Variants in ST6GAL2 observed in about 807,000 individuals in gnomAD.
ST6GAL2 encodes ST6 beta-galactoside alpha-2,6-sialyltransferase 2.
Under a neutral mutation model 37.5 loss-of-function variants are expected in ST6GAL2, and 24 were observed. The observed-to-expected ratio is 0.64, with a 90% CI of 0.46 to 0.90. ST6GAL2 has a LOEUF of 0.90. Ranked by LOEUF, ST6GAL2 falls within the 40% of genes least tolerant of loss-of-function variation. ST6GAL2 has a pLI of 0.00. For missense variants in ST6GAL2, 715 were observed against 712.7 expected, an observed-to-expected ratio of 1.00 and a Z score of -0.04; for synonymous variants, 306 against 295.1, an observed-to-expected ratio of 1.04 and a Z score of -0.38.
chr2:106,814,640 G>A (rs952218363), intron 5 of ST6GAL2, among the ~76,000 whole-genome samples: 1 of 152,240 alleles, frequency 6.6e-6, no homozygotes, highest in Admixed American at 6.5e-5. Context: ...CACTCAGGCT[G>A]GGAGCCGGGG....
chr2:106,839,076 T>G (rs1676766042), intron 2 of ST6GAL2, among the ~76,000 whole-genome samples: 1 of 152,004 alleles, frequency 6.6e-6, no homozygotes, highest in Non-Finnish European at 1.5e-5. Context: ...AACAAGAGCA[T>G]TTTGAACAGG....
At chr2:106,870,202 T>G (rs1678207394) in intron 1 of ST6GAL2, among the ~76,000 whole-genome samples, 1 of 152,158 alleles carries the variant, frequency 6.6e-6, no homozygotes, top group African/African-American at 2.4e-5. Flanking sequence ...AGTCCTGGAA[T>G]TGTGCAGAGC....
chr2:106,879,847 C>A (rs1678673540), intron 1 of ST6GAL2, among the ~76,000 whole-genome samples: 1 of 146,942 alleles, frequency 6.8e-6, no homozygotes, highest in Admixed American at 6.8e-5. Flanking sequence ...TATATATAAT[C>A]TATAAACTAT....
chr2:106,863,319 A>G (rs1002530946), intron 1 of ST6GAL2, among the ~76,000 whole-genome samples: 8 of 152,218 alleles, frequency 5.3e-5, no homozygotes, highest in Non-Finnish European at 1.0e-4. Flanking sequence ...CTTGTCATCC[A>G]ATGATACAGA....
intron 1 of ST6GAL2, among the ~76,000 whole-genome samples, chr2:106,876,125 C>A (rs1343295350): frequency 7.1e-6 from 1 of 141,510 alleles, no homozygotes; most frequent in Non-Finnish European, 1.5e-5. Context: ...AGTCACCATG[C>A]CTGGACACAA....
At chr2:106,807,340 A>G (rs562999619) in intron 5 of ST6GAL2, among the ~76,000 whole-genome samples, 1 of 152,318 alleles carries the variant, frequency 6.6e-6, no homozygotes, top group South Asian at 2.1e-4. Context: ...ATGATGGGAC[A>G]GTTATGTTCC....
At chr2:106,833,174 T>C (rs1171347306) in intron 3 of ST6GAL2, among the ~76,000 whole-genome samples, 1 of 148,334 alleles carries the variant, frequency 6.7e-6, no homozygotes, top group Non-Finnish European at 1.5e-5. Flanking sequence ...TTATTTTCCC[T>C]CAGTTTTAAG....
At chr2:106,851,670 C>CTTTTTTTTTTTTTTTTTT (rs5833214) in intron 1 of ST6GAL2, among the ~76,000 whole-genome samples, 1 of 135,848 alleles carries the variant, frequency 7.4e-6, no homozygotes, top group Admixed American at 7.3e-5. Flanking sequence ...GTTTTTCTTT[C>CTTTTTTTTTTTTTTTTTT]TTTTTTTTTT....
At chr2:106,850,878 C>T (rs1406522398) in intron 1 of ST6GAL2, among the ~76,000 whole-genome samples, 1 of 152,168 alleles carries the variant, frequency 6.6e-6, no homozygotes, top group East Asian at 1.9e-4. Flanking sequence ...CCATCATTAG[C>T]TGGTGTGATA....
intron 2 of ST6GAL2, among the ~76,000 whole-genome samples, chr2:106,839,881 C>G (rs2104504189): frequency 6.6e-6 from 1 of 152,194 alleles, no homozygotes; most frequent in East Asian, 1.9e-4. Context: ...ATCCAGGTTT[C>G]CAAAACAATT....
At chr2:106,857,745 C>T (rs1349675750) in intron 1 of ST6GAL2, among the ~76,000 whole-genome samples, 2 of 152,090 alleles carry the variant, frequency 1.3e-5, no homozygotes, top group East Asian at 3.9e-4. Context: ...TCAGCTCTGC[C>T]CTCTGATCAT....
chr2:106,867,372 T>C (rs920229867), intron 1 of ST6GAL2, among the ~76,000 whole-genome samples: 2 of 152,200 alleles, frequency 1.3e-5, no homozygotes, highest in African/African-American at 2.4e-5. Flanking sequence ...CATGTGACAA[T>C]TGTTTATCCC....
intron 5 of ST6GAL2, among the ~76,000 whole-genome samples, chr2:106,827,090 G>A (rs1314941069): frequency 6.6e-6 from 1 of 152,136 alleles, no homozygotes; most frequent in Non-Finnish European, 1.5e-5. Context: ...TGACGTTAGA[G>A]GTTAGAGCAC....
In ST6GAL2 at chr2:106,832,586, T is replaced by C. The variant is rs773431158; in HGVS notation, c.1122A>G (p.Pro374=). ...TTACCAGGTTAAGATTTGCGGAATA[T>C]GGGGCAGGGTCCCAGGCCACCAAAA... ...DVILVAWDPA[P]YSANLNLWYK... is the part of the protein sequence containing the mutation. Residue 374 remains proline (P), a synonymous_variant, in exon 4 of 6, where the codon CCA becomes CCG. Coordinates refer to ENST00000409382, the MANE Select transcript of ST6GAL2 (RefSeq NM_001142351.2). The C allele has an allele frequency of 2.5e-5, 39 of 1,590,618 alleles. No homozygotes were observed. The South Asian group carries it at 3.8e-4, about 15-fold the overall frequency.
intron 4 of ST6GAL2, among the ~76,000 whole-genome samples, chr2:106,830,799 T>C (rs964715387): frequency 1.3e-5 from 2 of 152,140 alleles, no homozygotes; most frequent in African/African-American, 2.4e-5. Flanking sequence ...GAGTTGGGGC[T>C]GGGAAGATTA....
chr2:106,829,816 GC>G (rs2104465033), intron 5 of ST6GAL2, among the ~76,000 whole-genome samples: 1 of 151,852 alleles, frequency 6.6e-6, no homozygotes, highest in East Asian at 1.9e-4. Context: ...CTTTTTGTGT[GC>G]CTACATGGCA....
chr2:106,879,015 C>T (rs1052553237), intron 1 of ST6GAL2, among the ~76,000 whole-genome samples: 7 of 152,182 alleles, frequency 4.6e-5, no homozygotes, highest in African/African-American at 1.4e-4. Flanking sequence ...GGGATAGATA[C>T]ACACCATCTA....
At position 106,807,913 on chromosome 2, in the gene ST6GAL2, C is replaced by T. The variant is rs574021184; in HGVS notation, c.1319-964G>A. Among the ~76,000 whole-genome samples, 3 of 152,216 alleles carry T rather than the reference C, an allele frequency of 2.0e-5. No homozygotes were observed. The East Asian group carries it at 5.8e-4, about 29-fold the overall frequency. ...TGCTGGGATTACAGGCATGAGCCACCGCGCCAGGCCTGAGTACATTTTATT... is the reference window on the plus strand; with the variant it reads ...TGCTGGGATTACAGGCATGAGCCACTGCGCCAGGCCTGAGTACATTTTATT... On this transcript the variant is annotated intron_variant, in intron 5 of 5. Transcript: ENST00000409382.
chr2:106,852,795 C>T (rs989236768), intron 1 of ST6GAL2, among the ~76,000 whole-genome samples: 6 of 152,068 alleles, frequency 3.9e-5, no homozygotes, highest in Non-Finnish European at 8.8e-5. Flanking sequence ...TAACAGCAGT[C>T]GTGGCAGGAG....
Sources: gnomAD v4.1 joint callset for allele counts (sites outside exome capture counted in the v4.1 genomes callset) on GRCh38, gnomAD v4.1.1 for gene constraint, MANE v1.5 for transcripts, NCBI Gene and HGNC (gene_info 2026-07-23, HGNC 2026-07-21) for gene names.